The following KLHL1 variants were observed in gnomAD, a reference collection of about 807,000 sequenced individuals.
The protein encoded by KLHL1 is kelch-like protein 1.
A neutral mutation model predicts 77.7 loss-of-function variants in KLHL1; 47 were observed. That is an observed-to-expected ratio of 0.60 (90% confidence interval 0.48 to 0.77). KLHL1 has a LOEUF of 0.77. Ranked by LOEUF, KLHL1 falls within the 30% of genes least tolerant of loss-of-function variation. The probability of loss-of-function intolerance (pLI) is 0.00; values close to 1 mark genes in which losing one functional copy is unlikely to be tolerated. For synonymous variants in KLHL1, 360 were observed against 325.2 expected (o/e 1.11, Z -1.15); for missense variants, 925 against 910.8 (o/e 1.02, Z -0.20).
At chr13:69,962,060 G>A (rs1031639679) in intron 2 of KLHL1, among the ~76,000 whole-genome samples, 1 of 151,190 alleles carries the variant, frequency 6.6e-6, no homozygotes, top group African/African-American at 2.4e-5. Flanking sequence ...ATTTTATTTG[G>A]GGAGACTTGA....
chr13:69,884,413 C>T (rs1380229758), intron 4 of KLHL1, among the ~76,000 whole-genome samples: 1 of 144,808 alleles, frequency 6.9e-6, no homozygotes, highest in East Asian at 2.0e-4. Flanking sequence ...AGATGTTTTG[C>T]CATCAGATTT....
chr13:69,855,025 A>G (rs1879832377), intron 5 of KLHL1, among the ~76,000 whole-genome samples: 1 of 152,072 alleles, frequency 6.6e-6, no homozygotes, highest in African/African-American at 2.4e-5. Context: ...ATAGGAATAT[A>G]TGTATTACAT....
chr13:70,088,448 G>A (rs908131850), intron 1 of KLHL1, among the ~76,000 whole-genome samples: 40 of 152,284 alleles, frequency 2.6e-4, no homozygotes, highest in African/African-American at 8.2e-4. Flanking sequence ...GGGAGATGAA[G>A]GATGGAGGGT....
At chr13:69,929,229 C>T (rs1882915018) in intron 4 of KLHL1, among the ~76,000 whole-genome samples, 1 of 152,028 alleles carries the variant, frequency 6.6e-6, no homozygotes, top group African/African-American at 2.4e-5. Flanking sequence ...TACTCAAAGA[C>T]ACCCAGTTGT....
At chr13:69,767,275 A>G (rs1031322116) in intron 7 of KLHL1, among the ~76,000 whole-genome samples, 1 of 152,238 alleles carries the variant, frequency 6.6e-6, no homozygotes, top group African/African-American at 2.4e-5. Flanking sequence ...AAAAACATGT[A>G]CATAAATTTT....
intron 1 of KLHL1, among the ~76,000 whole-genome samples, chr13:69,981,534 G>GA: frequency 6.6e-6 from 1 of 151,774 alleles, no homozygotes; most frequent in African/African-American, 2.4e-5. Flanking sequence ...TTATTTAAGG[G>GA]AAAAAAATTT....
chr13:69,869,660 T>C (rs1880505739), intron 5 of KLHL1, among the ~76,000 whole-genome samples: 1 of 152,176 alleles, frequency 6.6e-6, no homozygotes, highest in African/African-American at 2.4e-5. Flanking sequence ...CATTTTTGTT[T>C]CAGCTTTCAG....
At chr13:70,027,189 A>G (rs1885970453) in intron 1 of KLHL1, among the ~76,000 whole-genome samples, 1 of 152,158 alleles carries the variant, frequency 6.6e-6, no homozygotes, top group African/African-American at 2.4e-5. Context: ...GCTGTTTTTA[A>G]AAGTATAACA....
chr13:70,057,173 G>C (rs1221733890), intron 1 of KLHL1, among the ~76,000 whole-genome samples: 1 of 151,988 alleles, frequency 6.6e-6, no homozygotes. Flanking sequence ...CAATAACTTT[G>C]AAAACATAGA....
chr13:69,964,449 A>C (rs1302920456), intron 2 of KLHL1, among the ~76,000 whole-genome samples: 1 of 152,014 alleles, frequency 6.6e-6, no homozygotes, highest in Non-Finnish European at 1.5e-5. Context: ...TTAGGGTTTT[A>C]GTTATTTAGC....
At position 70,108,222 on chromosome 13, in the gene KLHL1, A is replaced by G. The variant is rs1888126080; in HGVS notation, c.-523T>C. 1 of 392,916 alleles carries G rather than the reference A, an allele frequency of 2.5e-6. No individual in the cohort carries two copies. 24.3% of individuals were successfully genotyped at this position (392,916 alleles called of 1,614,324 possible). On this transcript the variant is annotated 5_prime_UTR_variant, in exon 1 of 11. Transcript: ENST00000377844. ...AGAGAAAGAGCCCCAAGTCTCGAGG[A>G]AGCGTACCCCTCGCCAGATCTCTTG...
At chr13:69,784,825 C>T (rs1401774304) in intron 7 of KLHL1, among the ~76,000 whole-genome samples, 3 of 150,592 alleles carry the variant, frequency 2.0e-5, no homozygotes, top group African/African-American at 4.9e-5. Context: ...CAGCTCTGCA[C>T]CAAGCGGACC....
chr13:69,716,232 T>C (rs569291522), intron 9 of KLHL1, among the ~76,000 whole-genome samples: 1 of 152,276 alleles, frequency 6.6e-6, no homozygotes, highest in South Asian at 2.1e-4. Context: ...ACAGTTTATC[T>C]CAAGAAAGTT....
At chr13:69,961,077 A>G (rs1341706854) in intron 3 of KLHL1, among the ~76,000 whole-genome samples, 1 of 152,010 alleles carries the variant, frequency 6.6e-6, no homozygotes, top group Non-Finnish European at 1.5e-5. Context: ...CTATTTACAT[A>G]TTTATTTAAG....
intron 1 of KLHL1, among the ~76,000 whole-genome samples, chr13:70,081,453 TC>T (rs1184531402): frequency 6.6e-6 from 1 of 152,182 alleles, no homozygotes; most frequent in Non-Finnish European, 1.5e-5. Context: ...TTCCAGTGCA[TC>T]ACAAAATTCA....
Position 70,107,322 on chromosome 13 carries a change from C to T in KLHL1, c.378G>A (p.Glu126=). The change falls in exon 1 of 11, where the codon GAG becomes GAA. Residue 126 remains glutamate (E), a synonymous_variant. Coordinates refer to ENST00000377844, the MANE Select transcript of KLHL1 (RefSeq NM_020866.3). ...AGTCCATGCCTGGCACCACCTCCTC[C>T]TCTAGTGACTCCACGTAGAAGAGAG... ...ARTLFYVESL[E]EEVVPGMDFP... is the part of the protein sequence containing the mutation. 1 of 1,614,174 alleles carries T rather than the reference C, an allele frequency of 6.2e-7. No homozygotes were observed. Among genetic ancestry groups the T allele is most frequent in the Admixed American group, 1.7e-5 (1 of 60,028 alleles).
Position 69,815,018 on chromosome 13 carries a change from TAAATAAAATA to T in KLHL1, c.1415-18066_1415-18057del, listed in dbSNP as rs113801002. Among the ~76,000 whole-genome samples, 1,147 of 151,374 alleles carry T rather than the reference TAAATAAAATA, an allele frequency of 7.6e-3. 13 individuals are homozygous for T. Among genetic ancestry groups the T allele is most frequent in the African/African-American group, 0.027 (1,104 of 41,172 alleles). On this transcript the variant is annotated intron_variant, in intron 6 of 10. Transcript: ENST00000377844. ...GAGTGAGACTCCGTCTCTAAAAAAA[TAAATAAAATA>T]AAATAAAATAAAATAGTCAAAAAAT... is the stretch of plus-strand genomic sequence containing the variant.
At position 70,033,928 on chromosome 13, in the gene KLHL1, C is replaced by T. The variant is rs963812509; in HGVS notation, c.498-58126G>A. Among the ~76,000 whole-genome samples, 4 of 152,116 alleles carry T rather than the reference C, an allele frequency of 2.6e-5. No homozygotes were observed. In the South Asian group the frequency reaches 6.2e-4, roughly 24 times the overall value. On this transcript the variant is annotated intron_variant, in intron 1 of 10. Transcript: ENST00000377844. ...ACCTGGCCTCTAATAAATTATTGAT[C>T]GATGAAAATCCAATCCTTAAGCCCT...
intron 6 of KLHL1, among the ~76,000 whole-genome samples, chr13:69,837,309 T>A (rs1462567091): frequency 1.3e-5 from 2 of 151,574 alleles, no homozygotes; most frequent in South Asian, 2.1e-4. Flanking sequence ...CAGCAAAGTG[T>A]TTAATAATAG....
Sources: gnomAD v4.1 joint callset for allele counts (sites outside exome capture counted in the v4.1 genomes callset) on GRCh38, gnomAD v4.1.1 for gene constraint, MANE v1.5 for transcripts, NCBI Gene and HGNC (gene_info 2026-07-23, HGNC 2026-07-21) for gene names.